CDC40: variants seen among roughly 807,000 people sequenced by gnomAD.
CDC40 encodes pre-mRNA-processing factor 17.
CDC40 carries 27 observed loss-of-function variants against 80.6 expected under a neutral mutation model. That is an observed-to-expected ratio of 0.33 (90% CI 0.25 to 0.46). CDC40 has a LOEUF of 0.46. Among genes scored for constraint, CDC40 ranks in the 20% least tolerant of loss-of-function variants. The pLI is 1.00. For missense variants in CDC40, 486 were observed against 694.1 expected, an observed-to-expected ratio of 0.70 and a Z score of 3.37; for synonymous variants, 221 against 232.6, an observed-to-expected ratio of 0.95 and a Z score of 0.45.
chr6:110,185,812 A>T (rs1777262122), intron 1 of CDC40, among the ~76,000 whole-genome samples: 1 of 152,256 alleles, frequency 6.6e-6, no homozygotes, highest in Non-Finnish European at 1.5e-5. Flanking sequence ...AATTTTTTTA[A>T]AAGTATAGTC....
intron 2 of CDC40, among the ~76,000 whole-genome samples, chr6:110,195,256 A>G (rs190116320): frequency 6.6e-6 from 1 of 152,348 alleles, no homozygotes; most frequent in Non-Finnish European, 1.5e-5. Flanking sequence ...GAAACAAGAT[A>G]TAATCCCTCT....
intron 1 of CDC40, among the ~76,000 whole-genome samples, chr6:110,190,857 C>T (rs138772912): frequency 2.6e-5 from 4 of 152,238 alleles, no homozygotes; most frequent in African/African-American, 9.6e-5. Flanking sequence ...TCTTAGATTA[C>T]ACAGTTGCCC....
intron 3 of CDC40, among the ~76,000 whole-genome samples, chr6:110,205,510 A>C (rs1777550785): frequency 6.6e-6 from 1 of 152,188 alleles, no homozygotes; most frequent in South Asian, 2.1e-4. Context: ...GGAAGGCAGT[A>C]GTGGGGATGG....
At chr6:110,193,734 T>G (rs999807512) in intron 2 of CDC40, among the ~76,000 whole-genome samples, 4 of 152,166 alleles carry the variant, frequency 2.6e-5, no homozygotes, top group Non-Finnish European at 5.9e-5. Flanking sequence ...CTCCAAAAGT[T>G]CAGGTAGTGT....
At chr6:110,190,074 T>TGA (rs1777325353) in intron 1 of CDC40, among the ~76,000 whole-genome samples, 1 of 152,236 alleles carries the variant, frequency 6.6e-6, no homozygotes, top group Non-Finnish European at 1.5e-5. Flanking sequence ...TGCGTTCTAC[T>TGA]GGGCAGTGAG....
intron 4 of CDC40, 34 bp downstream of exon 4, chr6:110,207,623 C>T: frequency 9.5e-7 from 1 of 1,047,222 alleles, no homozygotes; most frequent in Middle Eastern, 2.0e-4. Context: ...ATCATATATA[C>T]CTACACATCT....
At chr6:110,191,779 A>G (rs1295853983) in intron 1 of CDC40, among the ~76,000 whole-genome samples, 1 of 152,176 alleles carries the variant, frequency 6.6e-6, no homozygotes, top group African/African-American at 2.4e-5. Context: ...TGGTAGGGGC[A>G]GGGGGCTGAT....
chr6:110,189,398 G>T (rs1777316614), intron 1 of CDC40, among the ~76,000 whole-genome samples: 1 of 152,128 alleles, frequency 6.6e-6, no homozygotes, highest in African/African-American at 2.4e-5. Context: ...CACATAGTAG[G>T]CACACAATCA....
At position 110,230,868 on chromosome 6, in the gene CDC40, A is replaced by C; in HGVS notation, c.*737A>C. ...CACCAAGACTTTGAATTGTATTTACATTCACTGTCAGTAAAGACCTGGCTA... is the reference window on the plus strand; with the variant it reads ...CACCAAGACTTTGAATTGTATTTACCTTCACTGTCAGTAAAGACCTGGCTA... On this transcript the variant is annotated 3_prime_UTR_variant, in exon 15 of 15. Coordinates refer to ENST00000307731, the MANE Select transcript of CDC40 (RefSeq NM_015891.3). The C allele has an allele frequency of 6.6e-6, 1 of 152,248 alleles. No individual in the cohort carries two copies. The highest frequency in any genetic ancestry group is 1.9e-4 in the East Asian group (1 of 5,194). The allele number at this position is 152,248 out of a possible 1,614,324, so 9.4% of individuals were successfully genotyped here. A position where few individuals can be genotyped will look rare whatever the true frequency, so the allele number is the denominator to read the frequency against.
At chr6:110,214,473 A>G (rs1223468530) in intron 8 of CDC40, among the ~76,000 whole-genome samples, 1 of 152,222 alleles carries the variant, frequency 6.6e-6, no homozygotes, top group Non-Finnish European at 1.5e-5. Context: ...ACAGGAGTAG[A>G]GTATGCTTGA....
chr6:110,209,922 A>G (rs1470855291), intron 5 of CDC40, among the ~76,000 whole-genome samples: 1 of 152,174 alleles, frequency 6.6e-6, no homozygotes, highest in African/African-American at 2.4e-5. Flanking sequence ...TTGTTATTAT[A>G]GATAGAGATT....
chr6:110,228,900 T>A lies in CDC40; in HGVS notation c.1486T>A (p.Leu496Ile). The change falls in exon 14 of 15, where the codon TTA (leucine) becomes ATA (isoleucine). Residue 496 changes from leucine to isoleucine, a missense_variant. Coordinates refer to ENST00000307731, the MANE Select transcript of CDC40 (RefSeq NM_015891.3). ...TTTTGGAGCACAGAACAGATTTAGA[T>A]TAAATAAGAAAAAAATTTTTAAGGG... ...LIFGAQNRFR[L>I]NKKKIFKGHM... 6.2e-7 allele frequency: 1 copy of A among 1,606,776 alleles called. No individual in the cohort carries two copies. Among genetic ancestry groups the A allele is most frequent in the South Asian group, 1.1e-5 (1 of 88,934 alleles).
chr6:110,207,396 A>G, intron 3 of CDC40, 110 bp from the exon 4 acceptor site: 2 of 628,156 alleles, frequency 3.2e-6, no homozygotes, highest in East Asian at 2.9e-5. Flanking sequence ...GTTAGAGATC[A>G]TTTTTGACAT....
intron 4 of CDC40, 38 bp from the exon 5 acceptor site, chr6:110,209,046 T>G (rs767504625): frequency 4.1e-6 from 5 of 1,210,822 alleles, no homozygotes; most frequent in Non-Finnish European, 5.8e-6. Flanking sequence ...CTTTGTAATC[T>G]CTCAGTTTTT....
chr6:110,219,896 A>G, intron 12 of CDC40, 27 bp downstream of exon 12: 1 of 1,603,690 alleles, frequency 6.2e-7, no homozygotes, highest in Non-Finnish European at 8.5e-7. Context: ...AGAAAATCTG[A>G]TTTACATAAA....
In CDC40 at chr6:110,231,984, C is replaced by T. The variant is rs570636668; in HGVS notation, c.*1853C>T. Reference sequence around the variant, plus strand: ...GAAGGGGAAAGGATTCAGATATGACCTTTTCTTTAGTCCCAACCACTAGTT... The same window carrying T: ...GAAGGGGAAAGGATTCAGATATGACTTTTTCTTTAGTCCCAACCACTAGTT... On this transcript the variant is annotated 3_prime_UTR_variant, in exon 15 of 15. Transcript: ENST00000307731. The T allele has an allele frequency of 8.5e-3, 1,249 of 146,098 alleles. 18 individuals are homozygous for T. Among genetic ancestry groups the T allele is most frequent in the African/African-American group, 0.031 (1,210 of 38,876 alleles). 9.1% of individuals were successfully genotyped at this position (146,098 alleles called of 1,614,324 possible).
At chr6:110,219,677 T>C (rs757952382) in intron 11 of CDC40, 59 bp from the exon 12 acceptor site, 11 of 1,554,956 alleles carry the variant, frequency 7.1e-6, no homozygotes, top group African/African-American at 6.9e-5. Flanking sequence ...TCCAGAATTA[T>C]GGTCTTTCAT....
chr6:110,194,970 T>C (rs1209273156), intron 2 of CDC40, among the ~76,000 whole-genome samples: 1 of 152,202 alleles, frequency 6.6e-6, no homozygotes, highest in Admixed American at 6.5e-5. Flanking sequence ...TTCTTTTTCC[T>C]CGGGTTAGAG....
chr6:110,205,618 GGA>G (rs767130474), intron 3 of CDC40, among the ~76,000 whole-genome samples: 4 of 152,062 alleles, frequency 2.6e-5, no homozygotes, highest in Non-Finnish European at 5.9e-5. Flanking sequence ...GATGAGTTGG[GGA>G]ATGGTGCTTA....
Sources: allele counts gnomAD v4.1 joint callset (sites outside exome capture counted in the v4.1 genomes callset), GRCh38; gene constraint gnomAD v4.1.1; transcripts MANE v1.5; gene names NCBI Gene and HGNC (gene_info 2026-07-23, HGNC 2026-07-21).